The following DNAJB6 variants were observed in gnomAD, a reference collection of about 807,000 sequenced individuals.
DNAJB6 encodes the protein DnaJ heat shock protein family (Hsp40) member B6.
Under a neutral mutation model 42.7 loss-of-function variants are expected in DNAJB6, and 16 were observed. The ratio of observed to expected loss-of-function variants is 0.37; its 90% confidence interval spans 0.25 to 0.57. The LOEUF (loss-of-function observed/expected upper bound fraction) is 0.57. DNAJB6 is among the 20% of genes least tolerant of loss of function. The pLI is 0.74. For missense variants in DNAJB6, 347 were observed against 416.8 expected, an observed-to-expected ratio of 0.83 and a Z score of 1.46; for synonymous variants, 170 against 163.5, an observed-to-expected ratio of 1.04 and a Z score of -0.30.
intron 8 of DNAJB6, among the ~76,000 whole-genome samples, chr7:157,397,244 G>A (rs73747317): frequency 0.24 from 36,664 of 152,186 alleles, 4,697 homozygotes; most frequent in South Asian, 0.4. Flanking sequence ...ACAACAGCAT[G>A]TGGCCTCCAC....
intron 1 of DNAJB6, among the ~76,000 whole-genome samples, chr7:157,350,215 G>T (rs550924182): frequency 2.6e-5 from 4 of 152,268 alleles, no homozygotes; most frequent in Admixed American, 2.6e-4. Flanking sequence ...TTGGACTGGG[G>T]GCACTAAGAC....
intron 8 of DNAJB6, among the ~76,000 whole-genome samples, chr7:157,393,431 G>A (rs980816773): frequency 6.6e-6 from 1 of 152,174 alleles, no homozygotes; most frequent in African/African-American, 2.4e-5. Flanking sequence ...GTGTGATTAT[G>A]TTTCTGAGAA....
At chr7:157,382,902 A>G (rs1474951262) in intron 6 of DNAJB6, among the ~76,000 whole-genome samples, 1 of 152,212 alleles carries the variant, frequency 6.6e-6, no homozygotes, top group Admixed American at 6.5e-5. Flanking sequence ...AGTAACATGA[A>G]TATGCATATA....
At chr7:157,378,138 C>G (rs2117055011) in intron 5 of DNAJB6, 1 of 152,310 alleles carries the variant, frequency 6.6e-6, no homozygotes, top group Admixed American at 6.5e-5. Context: ...ATTGATGGTC[C>G]TCGTTCCTGT....
intron 5 of DNAJB6, chr7:157,379,003 C>G (rs964260665): frequency 6.6e-6 from 1 of 151,998 alleles, no homozygotes; most frequent in Admixed American, 6.6e-5. Flanking sequence ...AGTTAAAATT[C>G]AGTGAATACC....
chr7:157,353,088 T>C (rs1214408510), intron 1 of DNAJB6, among the ~76,000 whole-genome samples: 2 of 151,980 alleles, frequency 1.3e-5, no homozygotes, highest in Non-Finnish European at 2.9e-5. Context: ...ATTTTTTTTT[T>C]TTTAATTTTT....
intron 6 of DNAJB6, among the ~76,000 whole-genome samples, chr7:157,383,860 A>G (rs753950044): frequency 6.6e-6 from 1 of 152,190 alleles, no homozygotes; most frequent in Non-Finnish European, 1.5e-5. Flanking sequence ...AAATACCGCA[A>G]ATGATTTTGA....
intron 5 of DNAJB6, among the ~76,000 whole-genome samples, chr7:157,370,391 CATT>C (rs1309263635): frequency 6.6e-6 from 1 of 152,084 alleles, no homozygotes; most frequent in African/African-American, 2.4e-5. Context: ...ACCTTCTTAA[CATT>C]ATTATTAAAT....
At chr7:157,357,011 T>G (rs1276936271) in intron 1 of DNAJB6, among the ~76,000 whole-genome samples, 3 of 150,016 alleles carry the variant, frequency 2.0e-5, no homozygotes, top group Non-Finnish European at 2.9e-5. Context: ...AAAACAAGAG[T>G]TTTAGGTCCA....
intron 1 of DNAJB6, among the ~76,000 whole-genome samples, chr7:157,346,650 A>G (rs531160889): frequency 2.2e-4 from 34 of 152,270 alleles, no homozygotes; most frequent in Admixed American, 3.9e-4. Context: ...TGAAATTCTG[A>G]GGTTAATAAA....
intron 5 of DNAJB6, chr7:157,369,187 C>A: frequency 2.3e-6 from 1 of 434,966 alleles, no homozygotes. Context: ...ATCACTGCTG[C>A]CATCAGCAGA....
intron 1 of DNAJB6, among the ~76,000 whole-genome samples, chr7:157,342,146 C>T (rs1455671511): frequency 6.6e-6 from 1 of 151,182 alleles, no homozygotes; most frequent in Non-Finnish European, 1.5e-5. Flanking sequence ...GTGTGAAGCA[C>T]CGAGCCTGGC....
intron 5 of DNAJB6, among the ~76,000 whole-genome samples, chr7:157,369,974 A>C (rs186029682): frequency 3.9e-3 from 570 of 144,632 alleles, no homozygotes; most frequent in East Asian, 0.013. Context: ...GCCCTTTCTT[A>C]ACATTATTAT....
At chr7:157,349,320 A>G (rs140593682) in intron 1 of DNAJB6, among the ~76,000 whole-genome samples, 133 of 152,316 alleles carry the variant, frequency 8.7e-4, no homozygotes, top group African/African-American at 3.0e-3. Flanking sequence ...TTTTAACATT[A>G]GGAAGGCTTT....
At chr7:157,338,710 C>T (rs550362893) in intron 1 of DNAJB6, among the ~76,000 whole-genome samples, 18 of 152,318 alleles carry the variant, frequency 1.2e-4, no homozygotes, top group African/African-American at 3.8e-4. Flanking sequence ...TTCTGCCTTC[C>T]GTGATAAAGG....
intron 3 of DNAJB6, 73 bp from the exon 4 acceptor site, chr7:157,366,429 G>A (rs1799846986): frequency 5.2e-6 from 7 of 1,347,402 alleles, no homozygotes; most frequent in Non-Finnish European, 7.4e-6. Flanking sequence ...TTTACAACTG[G>A]GGAAATACCT....
intron 8 of DNAJB6, among the ~76,000 whole-genome samples, chr7:157,400,367 C>CCCGGGTCCCCGTGCCT (rs1554467476): frequency 1.4e-4 from 21 of 152,168 alleles, no homozygotes; most frequent in African/African-American, 3.6e-4. Flanking sequence ...CATGGACACG[C>CCCGGGTCCCCGTGCCT]TCGTGTGTGG....
chr7:157,400,898 G>A (rs894113127), intron 8 of DNAJB6, among the ~76,000 whole-genome samples: 2 of 152,358 alleles, frequency 1.3e-5, no homozygotes, highest in African/African-American at 4.8e-5. Flanking sequence ...CCCTTGGCTT[G>A]TTTCTGTGTG....
intron 5 of DNAJB6, among the ~76,000 whole-genome samples, chr7:157,371,824 G>C (rs532189789): frequency 1.3e-5 from 2 of 152,360 alleles, no homozygotes; most frequent in African/African-American, 4.8e-5. Flanking sequence ...AGTGCCTTTT[G>C]ATCCCATTAG....
Sources: allele counts gnomAD v4.1 joint callset (sites outside exome capture counted in the v4.1 genomes callset), GRCh38; gene constraint gnomAD v4.1.1; transcripts MANE v1.5; gene names NCBI Gene and HGNC (gene_info 2026-07-23, HGNC 2026-07-21).